ZNF845: variants seen among roughly 807,000 people sequenced by gnomAD.
ZNF845 encodes zinc finger protein 845.
Under a neutral mutation model 76.1 loss-of-function variants are expected in ZNF845, and 59 were observed. The ratio of observed to expected loss-of-function variants is 0.78; its 90% CI spans 0.63 to 0.96. ZNF845 has a LOEUF of 0.96. Among genes scored for constraint, ZNF845 ranks in the 40% least tolerant of loss-of-function variants. The probability of loss-of-function intolerance (pLI) is 0.00; values close to 1 mark genes in which losing one functional copy is unlikely to be tolerated. For missense variants in ZNF845, 1,045 were observed against 1,172.8 expected (o/e 0.89, Z 1.59); for synonymous variants, 361 against 386.9 (o/e 0.93, Z 0.78).
At chr19:53,341,178 G>A in intron 1 of ZNF845, 57 bp from the exon 2 acceptor site, 1 of 1,394,482 alleles carries the variant, frequency 7.2e-7, no homozygotes. Context: ...GTTTCATTGT[G>A]TTAACGGAGG....
rs763996754 is a variant in ZNF845 at position 53,353,384 on chromosome 19, A to G, written c.2709A>G (p.Ala903=). 2 of 1,613,578 alleles carry G rather than the reference A, an allele frequency of 1.2e-6. No individual in the cohort carries two copies. Among genetic ancestry groups the G allele is most frequent in the South Asian group, 2.2e-5 (2 of 91,046 alleles). The change falls in exon 4 of 4, where the codon GCA becomes GCG. Residue 903 remains alanine, a synonymous_variant. Transcript: ENST00000458035. The part of the protein sequence containing the change: ...GKVFNQQAHL[A]CHHRIHTGEK... ...TTTTTAATCAACAAGCACACCTTGC[A>G]TGTCATCATAGAATTCATACTGGAG...
intron 1 of ZNF845, among the ~76,000 whole-genome samples, chr19:53,335,350 T>C (rs1298267817): frequency 6.6e-6 from 1 of 152,182 alleles, no homozygotes; most frequent in Non-Finnish European, 1.5e-5. Context: ...AGCCTCGACC[T>C]CCTAGGCTCA....
chr19:53,352,121 T>C lies in ZNF845; in HGVS notation c.1446T>C (p.Leu482=), dbSNP rs1323062612. ...AGACCTTCAGTCAGACATCATCCCTTGTATACCATCGTAGACTTCATACTG... is the reference window on the plus strand; with the variant it reads ...AGACCTTCAGTCAGACATCATCCCTCGTATACCATCGTAGACTTCATACTG... ...CGKTFSQTSS[L]VYHRRLHTGE... is the part of the protein sequence containing the mutation. Residue 482 remains leucine (L), a synonymous_variant, in exon 4 of 4, where the codon CTT becomes CTC. Coordinates refer to ENST00000458035, the MANE Select transcript of ZNF845 (RefSeq NM_138374.3). The C allele has an allele frequency of 5.0e-6, 8 of 1,613,950 alleles. No homozygotes were observed. In the African/African-American group the frequency reaches 5.3e-5, roughly 11 times the overall value.
intron 2 of ZNF845, 148 bp downstream of exon 2, chr19:53,341,470 C>T (rs3746309): frequency 0.14 from 182,977 of 1,277,160 alleles, 14,109 homozygotes; most frequent in South Asian, 0.16. Context: ...CCTCTCATCT[C>T]GCTTAGATTC....
In ZNF845 at chr19:53,353,518, G is replaced by A. The variant is rs755514979; in HGVS notation, c.2843G>A (p.Cys948Tyr). The A allele has an allele frequency of 9.3e-6, 15 of 1,613,056 alleles. No individual in the cohort carries two copies. The highest frequency in any genetic ancestry group is 3.3e-4 in the Middle Eastern group (2 of 6,084). The change falls in exon 4 of 4, where the codon TGT (cysteine) becomes TAT (tyrosine). Residue 948 changes from cysteine (C) to tyrosine (Y), a missense_variant. By Grantham distance (194) the Cys-to-Tyr change is radical. Transcript: ENST00000458035. Reference protein sequence around the residue: ...TGEKPYKCNECGKVFNRKAKL... With the variant: ...TGEKPYKCNEYGKVFNRKAKL... ...GAGAAACCTTACAAGTGTAATGAAT[G>A]TGGCAAGGTTTTTAATCGAAAAGCA...
chr19:53,337,441 G>T (rs891023), intron 1 of ZNF845, among the ~76,000 whole-genome samples: 9 of 151,742 alleles, frequency 5.9e-5, no homozygotes, highest in South Asian at 2.1e-4. Flanking sequence ...AGTGTAGTCT[G>T]GTGACCTTCT....
At chr19:53,345,781 CAT>C in intron 3 of ZNF845, 149 bp downstream of exon 3, 1 of 1,492,726 alleles carries the variant, frequency 6.7e-7, no homozygotes. Context: ...TTCCTGGGCT[CAT>C]GTGATTGTCC....
At chr19:53,345,840 C>G (rs777674796) in intron 3 of ZNF845, among the ~76,000 whole-genome samples, 2 of 151,148 alleles carry the variant, frequency 1.3e-5, no homozygotes, top group Non-Finnish European at 2.9e-5. Context: ...GCCACTATGC[C>G]GGGCTACTTT....
intron 1 of ZNF845, among the ~76,000 whole-genome samples, chr19:53,335,877 A>G (rs1310682667): frequency 1.3e-5 from 2 of 152,044 alleles, no homozygotes; most frequent in Admixed American, 1.3e-4. Context: ...CTGGGATTAC[A>G]GGCATGAGCC....
chr19:53,344,671 C>A (rs2147038070), intron 2 of ZNF845, among the ~76,000 whole-genome samples: 1 of 106,422 alleles, frequency 9.4e-6, no homozygotes, highest in South Asian at 3.5e-4. Context: ...ACTCTTGTTG[C>A]CCATGCTGGA....
chr19:53,345,766 T>G (rs947230428), intron 3 of ZNF845, 134 bp downstream of exon 3: 5 of 1,513,408 alleles, frequency 3.3e-6, no homozygotes, highest in Middle Eastern at 3.7e-4. Flanking sequence ...TACTGCAATC[T>G]TGAATTCCTG....
chr19:53,354,759 CATT>C lies in ZNF845; in HGVS notation c.*1175_*1177del, dbSNP rs767834399. On this transcript the variant is annotated 3_prime_UTR_variant, in exon 4 of 4. Coordinates refer to ENST00000458035, the MANE Select transcript of ZNF845 (RefSeq NM_138374.3). Reference sequence around the variant, plus strand: ...AAGTGTGTTCATAAGTTTCTTTAAACATTATTTATTGTTAATGTAAGGAAATTC... The same window carrying C: ...AAGTGTGTTCATAAGTTTCTTTAAACATTTATTGTTAATGTAAGGAAATTC... The C allele has an allele frequency of 1.3e-5, 2 of 152,100 alleles. No homozygotes were observed. Among genetic ancestry groups the C allele is most frequent in the African/African-American group, 2.4e-5 (1 of 41,400 alleles). The allele number at this position is 152,100 out of a possible 1,614,324, so 9.4% of individuals were successfully genotyped here. A position where few individuals can be genotyped will look rare whatever the true frequency, so the allele number is the denominator to read the frequency against.
Position 53,352,323 on chromosome 19 carries a change from C to T in ZNF845, c.1648C>T (p.Pro550Ser), listed in dbSNP as rs566347364. 6.2e-7 allele frequency: 1 copy of T among 1,613,670 alleles called. No homozygotes were observed. Among genetic ancestry groups the T allele is most frequent in the Non-Finnish European group, 8.5e-7 (1 of 1,179,876 alleles). ...RHCRLHTGEK[P>S]YQCNECGKAF... is the part of the protein sequence containing the mutation. Reference sequence around the variant, plus strand: ...TTGTAGACTTCATACTGGAGAGAAACCTTACCAGTGTAATGAGTGTGGCAA... The same window carrying T: ...TTGTAGACTTCATACTGGAGAGAAATCTTACCAGTGTAATGAGTGTGGCAA... Residue 550 changes from proline to serine, a missense_variant, in exon 4 of 4, where the codon CCT becomes TCT. By Grantham distance (74) the Pro-to-Ser change is moderately conservative (BLOSUM62 -1). Transcript: ENST00000458035.
intron 2 of ZNF845, 147 bp from the exon 3 acceptor site, chr19:53,345,359 G>A: frequency 1.3e-6 from 2 of 1,503,810 alleles, no homozygotes; most frequent in Middle Eastern, 1.9e-4. Context: ...CAACTCAGAA[G>A]ACAAAATGTG....
chr19:53,339,926 A>C (rs2085244284), intron 1 of ZNF845, among the ~76,000 whole-genome samples: 1 of 152,216 alleles, frequency 6.6e-6, no homozygotes, highest in South Asian at 2.1e-4. Flanking sequence ...TCTGTCACCC[A>C]GGCTGAAGTG....
At position 53,333,752 on chromosome 19, in the gene ZNF845, C is replaced by T. The variant is rs975678376; in HGVS notation, c.-114C>T. 6.2e-6 allele frequency: 1 copy of T among 160,010 alleles called. No homozygotes were observed. Among genetic ancestry groups the T allele is most frequent in the African/African-American group, 2.4e-5 (1 of 41,578 alleles). The allele number at this position is 160,010 out of a possible 1,614,324, so 9.9% of individuals were successfully genotyped here. On this transcript the variant is annotated 5_prime_UTR_variant, in exon 1 of 4. Transcript: ENST00000458035. ...TCCTGCGCGCGCAGATTCGCGCAAA[C>T]CCGGAAGCGGATCGCATGGAGTGAT...
rs1349608207 is a variant in ZNF845 at position 53,353,624 on chromosome 19, A to G, written c.*36A>G. The G allele has an allele frequency of 6.5e-7, 1 of 1,537,528 alleles. No homozygotes were observed. The highest frequency in any genetic ancestry group is 1.3e-5 in the South Asian group (1 of 79,334). ...AATGTGACAAAGTTTACAGTTGTAA[A>G]TCAAGTCTTGAAAGACAGGAGAATT... is the stretch of plus-strand genomic sequence containing the variant. On this transcript the variant is annotated 3_prime_UTR_variant, in exon 4 of 4. Coordinates refer to ENST00000458035, the MANE Select transcript of ZNF845 (RefSeq NM_138374.3).
Position 53,352,593 on chromosome 19 carries a change from T to C in ZNF845, c.1918T>C (p.Cys640Arg), listed in dbSNP as rs1210500561. Residue 640 changes from cysteine (C) to arginine (R), a missense_variant, in exon 4 of 4, where the codon TGT (cysteine) becomes CGT (arginine). By Grantham distance (180) the Cys-to-Arg change is radical (BLOSUM62 -3). Transcript: ENST00000458035. ...SGEKPYKCEE[C>R]DEAFSFKSNL... ...AGAGAAACCTTACAAATGTGAAGAATGTGATGAAGCTTTCAGTTTCAAATC... is the reference window on the plus strand; with the variant it reads ...AGAGAAACCTTACAAATGTGAAGAACGTGATGAAGCTTTCAGTTTCAAATC... The C allele has an allele frequency of 2.5e-6, 4 of 1,613,052 alleles. No individual in the cohort carries two copies. The highest frequency in any genetic ancestry group is 2.7e-5 in the African/African-American group (2 of 74,854).
intron 1 of ZNF845, among the ~76,000 whole-genome samples, chr19:53,337,590 T>C (rs2085224566): frequency 6.6e-6 from 1 of 152,016 alleles, no homozygotes; most frequent in African/African-American, 2.4e-5. Context: ...TAATTTTACT[T>C]TTGAGTTTCA....
Sources: allele counts gnomAD v4.1 joint callset (sites outside exome capture counted in the v4.1 genomes callset), GRCh38; gene constraint gnomAD v4.1.1; transcripts MANE v1.5; gene names NCBI Gene and HGNC (gene_info 2026-07-23, HGNC 2026-07-21).